Variants in GJE1 observed in about 807,000 individuals in gnomAD.
GJE1 encodes gap junction epsilon-1 protein.
GJE1 carries 9 observed loss-of-function variants against 6.2 expected under a neutral mutation model. The ratio of observed to expected loss-of-function variants is 1.45; its 90% CI spans 0.87 to 2.52. The LOEUF (loss-of-function observed/expected upper bound fraction) is 2.52. Ranked by LOEUF, GJE1 falls within the 30% of genes most tolerant of loss-of-function variation. The probability of loss-of-function intolerance (pLI) is 0.00; values close to 1 mark genes in which losing one functional copy is unlikely to be tolerated. For missense variants in GJE1, 190 were observed against 87.7 expected (o/e 2.17, Z -4.66); for synonymous variants, 65 against 30.1 (o/e 2.16, Z -3.80).
exon 3 of GJE1, chr6:142,134,851 A>G (rs1414363992): frequency 3.1e-6 from 2 of 646,342 alleles, no homozygotes; most frequent in Non-Finnish European, 5.5e-6. Flanking sequence ...TACAACAATT[A>G]CAATTTTATT....
exon 2 of GJE1, chr6:142,133,904 C>G (rs781734823): frequency 1.3e-5 from 9 of 701,748 alleles, no homozygotes; most frequent in East Asian, 5.4e-5. Context: ...TGGATCGATC[C>G]GAATATTCTT....
At chr6:142,134,702 T>C (rs931654053) in exon 3 of GJE1, 3 of 694,688 alleles carry the variant, frequency 4.3e-6, no homozygotes, top group African/African-American at 1.8e-5. Flanking sequence ...GCATTCTGGC[T>C]TCAGATTTAC....
chr6:142,134,139 T>A, intron 2 of GJE1, 95 bp downstream of exon 2: 2 of 513,114 alleles, frequency 3.9e-6, no homozygotes, highest in Non-Finnish European at 7.0e-6. Context: ...AGGTTTTTTG[T>A]TCCTAAGGAT....
chr6:142,135,003 A>G, exon 3 of GJE1: 1 of 451,470 alleles, frequency 2.2e-6, no homozygotes, highest in East Asian at 3.4e-5. Context: ...ACAATTTCAA[A>G]ACAAACTTAC....
chr6:142,133,141 G>C (rs1778174659), exon 1 of GJE1: 2 of 665,730 alleles, frequency 3.0e-6, no homozygotes, highest in Admixed American at 2.2e-5. Context: ...GGAATGCCAG[G>C]ATAACATCTC....
intron 1 of GJE1, 90 bp from the exon 2 acceptor site, chr6:142,133,760 C>T (rs1778191307): frequency 1.9e-6 from 1 of 524,008 alleles, no homozygotes; most frequent in Middle Eastern, 3.2e-4. Flanking sequence ...TTGACTCTTA[C>T]ATTTTTTAAA....
downstream of GJE1, among the ~76,000 whole-genome samples, chr6:142,135,326 A>G (rs766841385): frequency 3.9e-5 from 6 of 152,140 alleles, no homozygotes; most frequent in African/African-American, 9.7e-5. Flanking sequence ...GTGGAACTAT[A>G]CAGTTTTAAA....
At chr6:142,134,684 C>T (rs779366865) in exon 3 of GJE1, 140 of 695,746 alleles carry the variant, frequency 2.0e-4, no homozygotes, top group African/African-American at 1.6e-3. Context: ...ATTAGTCTAG[C>T]GGCAATAGCA....
intron 2 of GJE1, among the ~76,000 whole-genome samples, chr6:142,134,325 G>C (rs1778206523): frequency 1.3e-5 from 2 of 152,138 alleles, no homozygotes; most frequent in African/African-American, 4.8e-5. Flanking sequence ...CAGTCATTGA[G>C]AGGCAATTAC....
chr6:142,133,237 T>C, intron 1 of GJE1, 40 bp downstream of exon 1: 1 of 622,480 alleles, frequency 1.6e-6, no homozygotes. Context: ...GTATGAGTCT[T>C]TTCTGAGTAT....
At chr6:142,134,402 CAT>C (rs1327397389) in intron 2 of GJE1, 135 bp from the exon 3 acceptor site, 5 of 451,616 alleles carry the variant, frequency 1.1e-5, no homozygotes, top group Non-Finnish European at 1.9e-5. Context: ...TATTAAGACA[CAT>C]ATAAGATTTT....
chr6:142,132,962 T>C, upstream of GJE1: 1 of 405,148 alleles, frequency 2.5e-6, no homozygotes. Context: ...TGTTTTGTTT[T>C]GGGACAGAGA....
At chr6:142,134,122 C>T (rs1272083747) in intron 2 of GJE1, 78 bp downstream of exon 2, 3 of 515,962 alleles carry the variant, frequency 5.8e-6, no homozygotes, top group African/African-American at 1.9e-5. Context: ...ATGAGAAATA[C>T]CCTAACAGGT....
chr6:142,134,597 G>A, exon 3 of GJE1: 1 of 663,650 alleles, frequency 1.5e-6, no homozygotes, highest in Non-Finnish European at 2.7e-6. Flanking sequence ...TATGCTGCAT[G>A]TAAAAGCATC....
At chr6:142,134,405 A>G (rs1042555730) in intron 2 of GJE1, 134 bp from the exon 3 acceptor site, 38 of 452,372 alleles carry the variant, frequency 8.4e-5, no homozygotes, top group African/African-American at 7.5e-4. Flanking sequence ...TAAGACACAT[A>G]TAAGATTTTT....
At chr6:142,134,636 T>C (rs1033222157) in exon 3 of GJE1, 16 of 690,044 alleles carry the variant, frequency 2.3e-5, no homozygotes, top group African/African-American at 3.5e-5. Context: ...CAAAAGCCTA[T>C]CTACACTATA....
exon 3 of GJE1, chr6:142,134,621 T>C (rs2114609945): frequency 2.9e-6 from 2 of 681,658 alleles, no homozygotes; most frequent in South Asian, 3.2e-5. Flanking sequence ...CAAGAATGCA[T>C]TCTTCAAAAG....
chr6:142,134,603 G>C (rs1180987759), exon 3 of GJE1: 9 of 665,340 alleles, frequency 1.4e-5, no homozygotes, highest in South Asian at 3.3e-5. Context: ...GCATGTAAAA[G>C]CATCAATCAA....
chr6:142,134,944 T>G (rs1359481857), exon 3 of GJE1: 1 of 524,140 alleles, frequency 1.9e-6, no homozygotes, highest in African/African-American at 1.9e-5. Flanking sequence ...CCTATTGTCA[T>G]GCTGCAGTTA....
Sources: allele counts gnomAD v4.1 joint callset (sites outside exome capture counted in the v4.1 genomes callset), GRCh38; gene constraint gnomAD v4.1.1; transcripts MANE v1.5; gene names NCBI Gene and HGNC (gene_info 2026-07-23, HGNC 2026-07-21).